MAP3K14: variants seen among roughly 807,000 people sequenced by gnomAD.
MAP3K14 encodes the protein NF-kappa-beta-inducing kinase.
MAP3K14 carries 16 observed loss-of-function variants against 99.2 expected under a neutral mutation model. That is an observed-to-expected ratio of 0.16 (90% CI 0.11 to 0.24). The LOEUF (loss-of-function observed/expected upper bound fraction) is 0.24, where lower values mean the gene tolerates loss of function less well. Among genes scored for constraint, MAP3K14 ranks in the 10% least tolerant of loss-of-function variants. The pLI is 1.00. For synonymous variants in MAP3K14, 462 were observed against 492.4 expected (o/e 0.94, Z 0.82); for missense variants, 784 against 1,208.7 (o/e 0.65, Z 5.21).
intron 13 of MAP3K14, 118 bp downstream of exon 13, chr17:45,266,974 T>A: frequency 1.2e-6 from 1 of 808,366 alleles, no homozygotes; most frequent in Non-Finnish European, 2.0e-6. Flanking sequence ...TCACCCTCCC[T>A]TTACCCACTA....
chr17:45,297,174 TG>T (rs2044351723), intron 1 of MAP3K14, among the ~76,000 whole-genome samples: 1 of 152,254 alleles, frequency 6.6e-6, no homozygotes, highest in African/African-American at 2.4e-5. Context: ...AGGACACTCT[TG>T]GCCCATTCTC....
At chr17:45,284,989 G>A in intron 5 of MAP3K14, 40 bp from the exon 6 acceptor site, 1 of 1,545,508 alleles carries the variant, frequency 6.5e-7, no homozygotes. Flanking sequence ...TCAGTGGCCA[G>A]GGCAGCAGAG....
At chr17:45,289,364 G>A in intron 2 of MAP3K14, 59 bp from the exon 3 acceptor site, 2 of 1,386,712 alleles carry the variant, frequency 1.4e-6, no homozygotes, top group Non-Finnish European at 2.1e-6. Context: ...TAGCACTTAG[G>A]GGAGAGACAT....
At chr17:45,301,097 G>A (rs971847445) in intron 1 of MAP3K14, among the ~76,000 whole-genome samples, 4 of 151,614 alleles carry the variant, frequency 2.6e-5, no homozygotes, top group African/African-American at 7.3e-5. Flanking sequence ...TAGTCTAGGA[G>A]TGCAAGGTTG....
intron 15 of MAP3K14, 133 bp from the exon 16 acceptor site, chr17:45,264,933 G>A: frequency 8.9e-6 from 9 of 1,011,914 alleles, no homozygotes; most frequent in Non-Finnish European, 1.3e-5. Context: ...ACGGGACTCA[G>A]AGAATCCCAC....
intron 1 of MAP3K14, among the ~76,000 whole-genome samples, chr17:45,294,033 C>T (rs893382527): frequency 6.6e-6 from 1 of 152,244 alleles, no homozygotes; most frequent in Non-Finnish European, 1.5e-5. Flanking sequence ...CTTCTCCCTC[C>T]TGCAGCGTGT....
At position 45,290,470 on chromosome 17, in the gene MAP3K14, C is replaced by G; in HGVS notation, c.256+20G>C. On this transcript the variant is annotated intron_variant, in intron 2 of 15. Transcript: ENST00000344686. ...GGCCCACCCACCTGCCCCGTGCCCACAACAACCCTAGGCCCCTACACTCAG... is the reference window on the plus strand; with the variant it reads ...GGCCCACCCACCTGCCCCGTGCCCAGAACAACCCTAGGCCCCTACACTCAG... The G allele has an allele frequency of 1.2e-6, 2 of 1,613,258 alleles. No individual in the cohort carries two copies. The highest frequency in any genetic ancestry group is 1.7e-6 in the Non-Finnish European group (2 of 1,179,384).
chr17:45,312,317 G>A (rs1193607252), intron 1 of MAP3K14, among the ~76,000 whole-genome samples: 1 of 152,136 alleles, frequency 6.6e-6, no homozygotes, highest in African/African-American at 2.4e-5. Context: ...GAGCTGCCAC[G>A]CCAGGCCTGC....
chr17:45,279,981 T>C (rs1395246743), intron 6 of MAP3K14, among the ~76,000 whole-genome samples: 1 of 152,180 alleles, frequency 6.6e-6, no homozygotes, highest in Non-Finnish European at 1.5e-5. Flanking sequence ...TACCCCAATA[T>C]AAATGTCTAT....
intron 11 of MAP3K14, 60 bp downstream of exon 11, chr17:45,270,353 C>G (rs1467229225): frequency 1.9e-6 from 3 of 1,564,554 alleles, no homozygotes; most frequent in Non-Finnish European, 2.6e-6. Context: ...CGCCCACCTG[C>G]CTCCTCTGTC....
intron 6 of MAP3K14, among the ~76,000 whole-genome samples, chr17:45,277,219 T>C (rs1336463369): frequency 6.6e-6 from 1 of 152,198 alleles, no homozygotes; most frequent in Non-Finnish European, 1.5e-5. Flanking sequence ...TTGTTACATA[T>C]GTATACATGT....
chr17:45,294,786 C>T (rs932844889), intron 1 of MAP3K14, among the ~76,000 whole-genome samples: 6 of 152,268 alleles, frequency 3.9e-5, no homozygotes, highest in African/African-American at 1.4e-4. Context: ...CCACCTGACC[C>T]CTGCTCTGTA....
intron 1 of MAP3K14, among the ~76,000 whole-genome samples, chr17:45,293,982 C>G (rs895648246): frequency 2.6e-5 from 4 of 152,270 alleles, no homozygotes; most frequent in African/African-American, 9.6e-5. Context: ...GGACTTTGGT[C>G]TCTGGCTGTC....
chr17:45,271,305 G>A, intron 9 of MAP3K14, 84 bp from the exon 10 acceptor site: 1 of 1,223,880 alleles, frequency 8.2e-7, no homozygotes, highest in African/African-American at 1.5e-5. Context: ...TAATCCTCGG[G>A]GTATCTTACA....
At chr17:45,289,450 C>T in intron 2 of MAP3K14, 145 bp from the exon 3 acceptor site, 1 of 657,420 alleles carries the variant, frequency 1.5e-6, no homozygotes, top group South Asian at 1.7e-5. Context: ...ACCTCCCCAC[C>T]AATGCCTCCT....
chr17:45,277,498 C>T (rs2044189879), intron 6 of MAP3K14, among the ~76,000 whole-genome samples: 1 of 152,214 alleles, frequency 6.6e-6, no homozygotes, highest in Non-Finnish European at 1.5e-5. Context: ...TGTCGCCCTT[C>T]TGGTTCCCTA....
At chr17:45,279,431 T>C (rs573441515) in intron 6 of MAP3K14, among the ~76,000 whole-genome samples, 218 of 139,740 alleles carry the variant, frequency 1.6e-3, no homozygotes, top group African/African-American at 5.7e-3. Flanking sequence ...CCAGCCTTCT[T>C]TGGTATTCTT....
In MAP3K14 at chr17:45,267,833, T is replaced by G; in HGVS notation, c.1973-74A>C. The G allele has an allele frequency of 7.7e-7, 1 of 1,306,750 alleles. No homozygotes were observed. Among genetic ancestry groups the G allele is most frequent in the Non-Finnish European group, 1.1e-6 (1 of 933,716 alleles). 80.9% of individuals were successfully genotyped at this position (1,306,750 alleles called of 1,614,324 possible). ...CAGCGGTCCAGGCAGGAGCGGCCTC[T>G]CCTGAGTGCAGAAGGGCTAGAGGCA... On this transcript the variant is annotated intron_variant, in intron 11 of 15. Coordinates refer to ENST00000344686, the MANE Select transcript of MAP3K14 (RefSeq NM_003954.5). The surrounding 1 kb of genome is among the most constrained non-coding windows in gnomAD (Gnocchi z 5.1).
intron 15 of MAP3K14, 133 bp from the exon 16 acceptor site, chr17:45,264,933 G>T: frequency 9.9e-7 from 1 of 1,011,912 alleles, no homozygotes; most frequent in Middle Eastern, 3.0e-4. Context: ...ACGGGACTCA[G>T]AGAATCCCAC....
Sources: allele counts gnomAD v4.1 joint callset (sites outside exome capture counted in the v4.1 genomes callset), GRCh38; gene constraint gnomAD v4.1.1; non-coding constraint Gnocchi (gnomAD v3.1); transcripts MANE v1.5; gene names NCBI Gene and HGNC (gene_info 2026-07-23, HGNC 2026-07-21).